TOPORS: variants seen among roughly 807,000 people sequenced by gnomAD.
TOPORS encodes TOP1 binding arginine/serine rich protein, E3 ubiquitin ligase.
In TOPORS, 25 loss-of-function variants were observed where a neutral mutation model predicts 81.4. The ratio of observed to expected loss-of-function variants is 0.31; its 90% CI spans 0.22 to 0.43. TOPORS has a LOEUF of 0.43. Among genes scored for constraint, TOPORS ranks in the 20% least tolerant of loss-of-function variants. The pLI, the probability that TOPORS is intolerant of heterozygous loss-of-function variation, is 1.00. For missense variants in TOPORS, 1,101 were observed against 1,267.0 expected, an observed-to-expected ratio of 0.87 and a Z score of 1.99; for synonymous variants, 473 against 456.6, an observed-to-expected ratio of 1.04 and a Z score of -0.46.
intron 2 of TOPORS, 91 bp downstream of exon 2, chr9:32,550,683 C>T: frequency 6.7e-7 from 1 of 1,491,004 alleles, no homozygotes; most frequent in Non-Finnish European, 9.3e-7. Context: ...ATGACCGCAA[C>T]CCTCGGGTCC....
Position 32,552,496 on chromosome 9 carries a change from G to A in TOPORS, c.-60C>T. The A allele has an allele frequency of 1.3e-6, 2 of 1,576,538 alleles. No homozygotes were observed. The highest frequency in any genetic ancestry group is 1.7e-6 in the Non-Finnish European group (2 of 1,161,124). On this transcript the variant is annotated 5_prime_UTR_variant, in exon 1 of 3. Coordinates refer to ENST00000360538, the MANE Select transcript of TOPORS (RefSeq NM_005802.5). ...TATTCAGTGGTAAGTCCCGGGGATC[G>A]CGGGCCCCCACCGTGTCGACTCACT...
In TOPORS at chr9:32,541,051, T is replaced by A. The variant is rs959725179; in HGVS notation, c.*336A>T. ...AAAAAAAAAAATTCAAAAATACTCA[T>A]TGACTACCTTAAAAATATGTCAATA... On this transcript the variant is annotated 3_prime_UTR_variant, in exon 3 of 3. Coordinates refer to ENST00000360538, the MANE Select transcript of TOPORS (RefSeq NM_005802.5). 4 of 180,624 alleles carry A rather than the reference T, an allele frequency of 2.2e-5. No homozygotes were observed. The highest frequency in any genetic ancestry group is 1.5e-4 in the East Asian group (1 of 6,712). The allele number at this position is 180,624 out of a possible 1,614,324, so 11.2% of individuals were successfully genotyped here. A position where few individuals can be genotyped will look rare whatever the true frequency, so the allele number is the denominator to read the frequency against.
In TOPORS at chr9:32,541,360, A is replaced by G; in HGVS notation, c.*27T>C. ...TCCTTTTTCCTTTTTATAACATCAT[A>G]ATTCTCAATGAAATGCTTTGGCAGT... On this transcript the variant is annotated 3_prime_UTR_variant, in exon 3 of 3. Coordinates refer to ENST00000360538, the MANE Select transcript of TOPORS (RefSeq NM_005802.5). 1 of 1,611,554 alleles carries G rather than the reference A, an allele frequency of 6.2e-7. No individual in the cohort carries two copies. Among genetic ancestry groups the G allele is most frequent in the Middle Eastern group, 1.7e-4 (1 of 6,040 alleles).
At chr9:32,551,004 G>T (rs779811319) in intron 1 of TOPORS, 36 bp from the exon 2 acceptor site, 1 of 1,603,478 alleles carries the variant, frequency 6.2e-7, no homozygotes, top group South Asian at 1.1e-5. Flanking sequence ...ATGGCAGCTC[G>T]GAAGCAGGGC....
chr9:32,550,934 C>A lies in TOPORS; in HGVS notation c.38G>T (p.Arg13Leu). The change falls in exon 2 of 3, where the codon CGC (arginine) becomes CTC (leucine). Residue 13 changes from arginine to leucine, a missense_variant. Around this residue, in one of 9 missense-constraint regions of TOPORS, gnomAD observed 131 missense variants for 101.0 expected, o/e 1.30. Coordinates refer to ENST00000360538, the MANE Select transcript of TOPORS (RefSeq NM_005802.5). ...AGGCGGGGGCGCTTCACCCTCCTCG[C>A]GAGACAGCGGAGACCCCAGCGGCGG... Reference protein sequence around the residue: ...SQPPLGSPLSREEGEAPPPAP... With the variant: ...SQPPLGSPLSLEEGEAPPPAP... 1 of 1,612,430 alleles carries A rather than the reference C, an allele frequency of 6.2e-7. No homozygotes were observed. Among genetic ancestry groups the A allele is most frequent in the South Asian group, 1.1e-5 (1 of 91,086 alleles).
intron 2 of TOPORS, among the ~76,000 whole-genome samples, chr9:32,545,571 G>A (rs1821130259): frequency 6.6e-6 from 1 of 151,772 alleles, no homozygotes; most frequent in Non-Finnish European, 1.5e-5. Flanking sequence ...GACCAGCCTG[G>A]CCAACGTTGT....
rs1346072332 is a variant in TOPORS at position 32,543,969 on chromosome 9, T to C, written c.556A>G (p.Arg186Gly). 4 of 1,614,016 alleles carry C rather than the reference T, an allele frequency of 2.5e-6. No individual in the cohort carries two copies. The highest frequency in any genetic ancestry group is 3.4e-6 in the Non-Finnish European group (4 of 1,180,020). Reference protein sequence around the residue: ...RRFRYRTTLTRERNASVYSPS... With the variant: ...RRFRYRTTLTGERNASVYSPS... ...GAATACACAGAAGCATTTCGTTCCC[T>C]TGTCAGAGTTGTACGGTAGCGAAAT... The change falls in exon 3 of 3, where the codon AGG (arginine) becomes GGG (glycine). Residue 186 changes from arginine (R) to glycine (G), a missense_variant. Coordinates refer to ENST00000360538, the MANE Select transcript of TOPORS (RefSeq NM_005802.5). The surrounding 1 kb of genome is among the most constrained non-coding windows in gnomAD (Gnocchi z 5.6).
At position 32,552,509 on chromosome 9, in the gene TOPORS, G is replaced by C. The variant is rs1230370991; in HGVS notation, c.-73C>G. ...GTCCCGGGGATCGCGGGCCCCCACC[G>C]TGTCGACTCACTGGGCCCGCAGGCG... On this transcript the variant is annotated 5_prime_UTR_variant, in exon 1 of 3. Coordinates refer to ENST00000360538, the MANE Select transcript of TOPORS (RefSeq NM_005802.5). 9 of 1,566,716 alleles carry C rather than the reference G, an allele frequency of 5.7e-6. No individual in the cohort carries two copies. Among genetic ancestry groups the C allele is most frequent in the African/African-American group, 1.4e-5 (1 of 73,890 alleles).
intron 2 of TOPORS, among the ~76,000 whole-genome samples, chr9:32,549,529 G>A (rs1365264958): frequency 1.3e-5 from 2 of 152,086 alleles, no homozygotes; most frequent in Non-Finnish European, 2.9e-5. Context: ...GTTGTGTGAC[G>A]GGACATATTT....
chr9:32,546,230 A>G (rs1246351682), intron 2 of TOPORS, among the ~76,000 whole-genome samples: 1 of 152,194 alleles, frequency 6.6e-6, no homozygotes, highest in Non-Finnish European at 1.5e-5. Context: ...CTAAAACCCT[A>G]ATACTGCACA....
At position 32,541,668 on chromosome 9, in the gene TOPORS, C is replaced by A; in HGVS notation, c.2857G>T (p.Val953Phe). Reference sequence around the variant, plus strand: ...ACACCAAATTCAGCTTCTATTGTAACTACATCTTTAGTTTCAAATGGTTCC... The same window carrying A: ...ACACCAAATTCAGCTTCTATTGTAAATACATCTTTAGTTTCAAATGGTTCC... Reference protein sequence around the residue: ...SLEPFETKDVVTIEAEFGVLD... With the variant: ...SLEPFETKDVFTIEAEFGVLD... The change falls in exon 3 of 3, where the codon GTT (valine) becomes TTT (phenylalanine). Residue 953 changes from valine (V) to phenylalanine (F), a missense_variant. Val to Phe is a conservative substitution (Grantham distance 50). Transcript: ENST00000360538. 6.2e-7 allele frequency: 1 copy of A among 1,614,178 alleles called. No individual in the cohort carries two copies. The highest frequency in any genetic ancestry group is 8.5e-7 in the Non-Finnish European group (1 of 1,180,020).
intron 1 of TOPORS, 172 bp from the exon 2 acceptor site, chr9:32,551,140 C>T: frequency 1.3e-6 from 1 of 782,336 alleles, no homozygotes; most frequent in Non-Finnish European, 2.1e-6. Flanking sequence ...AATGCGGCCC[C>T]TCCCCCGCCG....
rs758772830 is a variant in TOPORS at position 32,541,479 on chromosome 9, C to T, written c.3046G>A (p.Val1016Met). ...CTTGATGGCTCAGTTTGAAGAGACA[C>T]AATGTTACTGGGCTGGTTCTCCAAA... The part of the protein sequence containing the change: ...SDLENQPSNI[V>M]SLQTEPSRQL... The change falls in exon 3 of 3, where the codon GTG becomes ATG. Residue 1016 changes from valine to methionine, a missense_variant. This residue lies in a region of TOPORS where 605 missense variants were observed against 636.1 expected (regional missense o/e 0.95). Coordinates refer to ENST00000360538, the MANE Select transcript of TOPORS (RefSeq NM_005802.5). 3 of 1,614,194 alleles carry T rather than the reference C, an allele frequency of 1.9e-6. No homozygotes were observed. In the African/African-American group the frequency reaches 4.0e-5, roughly 22 times the overall value.
At chr9:32,547,742 T>A (rs998967286) in intron 2 of TOPORS, among the ~76,000 whole-genome samples, 4 of 152,230 alleles carry the variant, frequency 2.6e-5, no homozygotes, top group African/African-American at 9.6e-5. Flanking sequence ...TACAATTAAT[T>A]ATTGTGATGG....
chr9:32,551,543 C>G (rs77867739), intron 1 of TOPORS: 1 of 251,830 alleles, frequency 4.0e-6, no homozygotes, highest in African/African-American at 2.2e-5. Context: ...TTTCTCCGCT[C>G]TTCCCCTTCC....
In TOPORS at chr9:32,543,735, G is replaced by T. The variant is rs761779105; in HGVS notation, c.790C>A (p.Arg264Ser). 6.2e-7 allele frequency: 1 copy of T among 1,611,902 alleles called. No homozygotes were observed. Among genetic ancestry groups the T allele is most frequent in the Non-Finnish European group, 8.5e-7 (1 of 1,178,690 alleles). Residue 264 changes from arginine to serine, a missense_variant, in exon 3 of 3, where the codon CGT becomes AGT. By Grantham distance (110) the Arg-to-Ser change is moderately radical. This residue lies in a region of TOPORS where 69 missense variants were observed against 153.6 expected (regional missense o/e 0.45). Transcript: ENST00000360538. This position sits in a 1 kb window ranked among gnomAD's most constrained non-coding sequence, Gnocchi z 5.6. ...ATATTTCTAACTCGAGCACCAGCAC[G>T]ATAAAGAGTTCGTCTAAAATTAATA... Reference protein sequence around the residue: ...DIINFRRTLYRAGARVRNIED... With the variant: ...DIINFRRTLYSAGARVRNIED...
At chr9:32,547,898 C>A (rs1027854260) in intron 2 of TOPORS, among the ~76,000 whole-genome samples, 1 of 151,528 alleles carries the variant, frequency 6.6e-6, no homozygotes. Flanking sequence ...GTGGCGCGAT[C>A]GTGGCTCACT....
At chr9:32,545,942 C>T (rs542160104) in intron 2 of TOPORS, among the ~76,000 whole-genome samples, 3 of 152,152 alleles carry the variant, frequency 2.0e-5, no homozygotes, top group African/African-American at 7.2e-5. Flanking sequence ...ATAAGAAAAA[C>T]CAATAAACAA....
At chr9:32,545,592 C>A (rs1587623584) in intron 2 of TOPORS, among the ~76,000 whole-genome samples, 1 of 151,766 alleles carries the variant, frequency 6.6e-6, no homozygotes, top group East Asian at 1.9e-4. Context: ...GAAACCTTGT[C>A]TCTACTAAGA....
Sources: gnomAD v4.1 joint callset for allele counts (sites outside exome capture counted in the v4.1 genomes callset) on GRCh38, gnomAD v4.1.1 for gene constraint, gnomAD v4.1.1 regional missense constraint, Gnocchi (gnomAD v3.1) non-coding constraint, MANE v1.5 for transcripts, NCBI Gene and HGNC (gene_info 2026-07-23, HGNC 2026-07-21) for gene names.